The following LARGE1 variants were observed in gnomAD, a reference collection of about 807,000 sequenced individuals.
LARGE1 encodes xylosyl- and glucuronyltransferase LARGE1.
Under a neutral mutation model 87.6 loss-of-function variants are expected in LARGE1, and 43 were observed. The observed-to-expected ratio is 0.49, with a 90% CI of 0.38 to 0.63. The LOEUF is 0.63. Ranked by LOEUF, LARGE1 falls within the 30% of genes least tolerant of loss-of-function variation. The probability of loss-of-function intolerance (pLI) is 0.00; values close to 1 mark genes in which losing one functional copy is unlikely to be tolerated. For missense variants in LARGE1, 802 were observed against 1,000.2 expected, an observed-to-expected ratio of 0.80 and a Z score of 2.67; for synonymous variants, 434 against 394.6, an observed-to-expected ratio of 1.10 and a Z score of -1.18.
intron 5 of LARGE1, among the ~76,000 whole-genome samples, chr22:33,591,095 GGAGGCTGAGGCAGAAGAAT>G (rs1176365106): frequency 3.9e-5 from 6 of 152,212 alleles, no homozygotes; most frequent in African/African-American, 7.2e-5. Context: ...CAGCTATTCG[GGAGGCTGAGGCAGAAGAAT>G]CGCTTGAACC....
intron 7 of LARGE1, among the ~76,000 whole-genome samples, chr22:33,428,948 A>C (rs1244993161): frequency 8.9e-6 from 1 of 112,530 alleles, no homozygotes. Flanking sequence ...AGAAACAAAA[A>C]AAAAAAAAAA....
chr22:33,843,625 A>C (rs1013299943), intron 1 of LARGE1, among the ~76,000 whole-genome samples: 5 of 151,818 alleles, frequency 3.3e-5, no homozygotes, highest in Non-Finnish European at 7.4e-5. Flanking sequence ...CCCTGCCCCA[A>C]GCCCTCCCTG....
At chr22:33,546,114 G>A (rs2077354149) in intron 6 of LARGE1, among the ~76,000 whole-genome samples, 1 of 152,104 alleles carries the variant, frequency 6.6e-6, no homozygotes, top group Non-Finnish European at 1.5e-5. Context: ...ACTGTCAGTG[G>A]ATTTTCAGTG....
chr22:33,524,766 G>T (rs1023305727), intron 6 of LARGE1, among the ~76,000 whole-genome samples: 3 of 143,904 alleles, frequency 2.1e-5, no homozygotes, highest in Non-Finnish European at 3.0e-5. Context: ...AAAAAAAAAA[G>T]CAAAACCAAA....
intron 6 of LARGE1, among the ~76,000 whole-genome samples, chr22:33,548,297 A>G (rs2077424087): frequency 6.6e-6 from 1 of 152,198 alleles, no homozygotes; most frequent in African/African-American, 2.4e-5. Context: ...GCCTTCTGCC[A>G]TGACTGTAAG....
intron 1 of LARGE1, among the ~76,000 whole-genome samples, chr22:33,909,456 C>T (rs1332503450): frequency 1.3e-5 from 2 of 152,172 alleles, no homozygotes; most frequent in East Asian, 1.9e-4. Context: ...ACACCACATC[C>T]CCCTGATGAA....
chr22:33,311,350 T>C (rs1432845510), intron 11 of LARGE1, among the ~76,000 whole-genome samples: 1 of 152,258 alleles, frequency 6.6e-6, no homozygotes, highest in Non-Finnish European at 1.5e-5. Context: ...GTTTTGTCTG[T>C]ATTCTCTTCT....
intron 11 of LARGE1, among the ~76,000 whole-genome samples, chr22:33,243,595 G>C (rs566555311): frequency 6.6e-6 from 1 of 152,276 alleles, no homozygotes; most frequent in Admixed American, 6.5e-5. Context: ...TTTTATTGCT[G>C]AGTAGAATTT....
At chr22:33,645,183 C>G (rs961201173) in intron 3 of LARGE1, among the ~76,000 whole-genome samples, 2 of 151,754 alleles carry the variant, frequency 1.3e-5, no homozygotes, top group South Asian at 2.1e-4. Context: ...GTAACCAAAG[C>G]AGCATGGTAC....
chr22:33,370,835 TAAATA>T (rs1038773769), intron 9 of LARGE1, among the ~76,000 whole-genome samples: 2 of 149,550 alleles, frequency 1.3e-5, no homozygotes, highest in African/African-American at 4.9e-5. Context: ...ACTGTTAAAT[TAAATA>T]ATTGATATTA....
intron 7 of LARGE1, among the ~76,000 whole-genome samples, chr22:33,403,548 G>A (rs938591833): frequency 6.6e-6 from 1 of 152,152 alleles, no homozygotes; most frequent in Non-Finnish European, 1.5e-5. Flanking sequence ...CTGAGGCCTA[G>A]GTTAATTCTA....
intron 11 of LARGE1, among the ~76,000 whole-genome samples, chr22:33,185,331 A>G (rs577120927): frequency 1.3e-5 from 2 of 152,332 alleles, no homozygotes; most frequent in Non-Finnish European, 2.9e-5. Flanking sequence ...GATTCCAACG[A>G]TATGGCATTC....
At chr22:33,692,979 A>G (rs989078806) in intron 2 of LARGE1, among the ~76,000 whole-genome samples, 5 of 152,194 alleles carry the variant, frequency 3.3e-5, no homozygotes, top group Admixed American at 3.3e-4. Flanking sequence ...CACAATAGCA[A>G]AGACATGGGA....
At chr22:33,124,258 G>A in the LARGE1 span, among the ~76,000 whole-genome samples, 2 of 151,296 alleles carry the variant, frequency 1.3e-5, no homozygotes, top group Non-Finnish European at 2.9e-5. Flanking sequence ...AGCCAAGATC[G>A]CACCACTGCA....
At chr22:33,830,931 C>T (rs1341579405) in intron 1 of LARGE1, among the ~76,000 whole-genome samples, 1 of 152,126 alleles carries the variant, frequency 6.6e-6, no homozygotes, top group African/African-American at 2.4e-5. Context: ...GAGGGCTCTG[C>T]CTTCATGACC....
At chr22:33,427,979 A>AT (rs1220579308) in intron 7 of LARGE1, among the ~76,000 whole-genome samples, 7 of 152,088 alleles carry the variant, frequency 4.6e-5, no homozygotes, top group African/African-American at 9.7e-5. Context: ...CTAAATAGTC[A>AT]TTTTTTTTCC....
intron 11 of LARGE1, among the ~76,000 whole-genome samples, chr22:33,248,766 T>G (rs1489905775): frequency 1.3e-5 from 2 of 152,256 alleles, no homozygotes; most frequent in African/African-American, 4.8e-5. Flanking sequence ...CTCCACAGTT[T>G]TGCCTTTTCC....
chr22:33,556,161 T>A (rs537216131), intron 6 of LARGE1, among the ~76,000 whole-genome samples: 1 of 151,956 alleles, frequency 6.6e-6, no homozygotes, highest in Non-Finnish European at 1.5e-5. Flanking sequence ...GACTTTTCCC[T>A]TTCAAGAGAC....
At chr22:33,331,320 C>A (rs1937659393) in intron 10 of LARGE1, among the ~76,000 whole-genome samples, 1 of 152,086 alleles carries the variant, frequency 6.6e-6, no homozygotes. Context: ...TTGTCATTAT[C>A]AATTTCCCAG....
Sources: gnomAD v4.1 joint callset for allele counts (sites outside exome capture counted in the v4.1 genomes callset) on GRCh38, gnomAD v4.1.1 for gene constraint, MANE v1.5 for transcripts, NCBI Gene and HGNC (gene_info 2026-07-23, HGNC 2026-07-21) for gene names.